The following SOX6 variants were observed in gnomAD, a reference collection of about 807,000 sequenced individuals.
SOX6 encodes the protein transcription factor SOX-6.
In SOX6, 11 loss-of-function variants were observed where a neutral mutation model predicts 97.8. The observed-to-expected ratio is 0.11, with a 90% CI of 0.07 to 0.19. The LOEUF (loss-of-function observed/expected upper bound fraction) is 0.19. SOX6 is among the 10% of genes least tolerant of loss of function. The pLI is 1.00. For synonymous variants in SOX6, 360 were observed against 371.4 expected (o/e 0.97, Z 0.35); for missense variants, 810 against 1,039.5 (o/e 0.78, Z 3.04).
chr11:16,116,440 TATC>T (rs962059984), intron 6 of SOX6, among the ~76,000 whole-genome samples: 51 of 152,102 alleles, frequency 3.4e-4, no homozygotes, highest in African/African-American at 1.2e-3. Context: ...ATACTTTTAA[TATC>T]ATATTACATT....
chr11:16,702,625 T>C (rs1848103422), intron 3 of SOX6, among the ~76,000 whole-genome samples: 1 of 152,154 alleles, frequency 6.6e-6, no homozygotes, highest in Admixed American at 6.6e-5. Context: ...CCAAGGACAC[T>C]GGCTAGCTCT....
intron 3 of SOX6, among the ~76,000 whole-genome samples, chr11:16,627,516 A>C (rs1848639004): frequency 6.6e-6 from 1 of 152,182 alleles, no homozygotes; most frequent in Non-Finnish European, 1.5e-5. Context: ...ATGATATCTC[A>C]TTGTGGTTTT....
At chr11:16,597,245 T>C (rs1374637941) in intron 4 of SOX6, among the ~76,000 whole-genome samples, 2 of 152,032 alleles carry the variant, frequency 1.3e-5, no homozygotes, top group Non-Finnish European at 2.9e-5. Context: ...ACTGATCATA[T>C]AACTATTGTC....
At chr11:16,243,956 T>G (rs565054553) in intron 3 of SOX6, among the ~76,000 whole-genome samples, 21 of 152,124 alleles carry the variant, frequency 1.4e-4, no homozygotes, top group African/African-American at 4.8e-4. Context: ...TCAGTTTAGA[T>G]GTATTAGAAA....
chr11:16,080,665 T>C (rs942683612), intron 9 of SOX6, among the ~76,000 whole-genome samples: 1 of 152,198 alleles, frequency 6.6e-6, no homozygotes, highest in Admixed American at 6.5e-5. Context: ...GAAGATATGC[T>C]GTCTTTCAGG....
chr11:16,513,694 A>G (rs1860916423), intron 4 of SOX6, among the ~76,000 whole-genome samples: 1 of 152,158 alleles, frequency 6.6e-6, no homozygotes, highest in South Asian at 2.1e-4. Flanking sequence ...TCATCTCCGC[A>G]CAGAGTAATG....
intron 3 of SOX6, among the ~76,000 whole-genome samples, chr11:16,628,306 A>C (rs1565197524): frequency 6.6e-6 from 1 of 152,160 alleles, no homozygotes. Context: ...TGAACTTTAA[A>C]ATAGTCTTTT....
intron 2 of SOX6, among the ~76,000 whole-genome samples, chr11:16,335,635 C>T (rs1438764448): frequency 2.6e-5 from 4 of 152,152 alleles, no homozygotes; most frequent in African/African-American, 9.7e-5. Flanking sequence ...GATTAGAAAT[C>T]TTCTCAAAGT....
chr11:16,000,655 T>C (rs1161768642), intron 13 of SOX6, among the ~76,000 whole-genome samples: 1 of 152,162 alleles, frequency 6.6e-6, no homozygotes, highest in African/African-American at 2.4e-5. Flanking sequence ...TTACTTCAAC[T>C]GTTGAAGCTA....
intron 4 of SOX6, among the ~76,000 whole-genome samples, chr11:16,208,959 T>C (rs1188352537): frequency 6.6e-6 from 1 of 152,138 alleles, no homozygotes; most frequent in Non-Finnish European, 1.5e-5. Flanking sequence ...TCCACAAATA[T>C]CTCAATAAGC....
At chr11:16,738,225 T>C (rs369052529) in intron 1 of SOX6, among the ~76,000 whole-genome samples, 5 of 151,676 alleles carry the variant, frequency 3.3e-5, no homozygotes, top group East Asian at 3.9e-4. Flanking sequence ...AGGGTGGAAA[T>C]GGTAGAAGCC....
intron 4 of SOX6, among the ~76,000 whole-genome samples, chr11:16,550,638 T>A (rs1239301186): frequency 6.6e-6 from 1 of 152,088 alleles, no homozygotes; most frequent in Non-Finnish European, 1.5e-5. Flanking sequence ...ATTAACTGCC[T>A]AAAGCAAAAA....
At chr11:16,354,573 CTGA>C (rs372288009) in intron 1 of SOX6, among the ~76,000 whole-genome samples, 1 of 151,992 alleles carries the variant, frequency 6.6e-6, no homozygotes, top group African/African-American at 2.4e-5. Context: ...GCATCTGCTG[CTGA>C]TAACTGTATT....
rs1242706637 is a variant in SOX6 at position 16,560,413 on chromosome 11, A to ATATACGTACATATGTT, written n.609+51652_609+51667dup. 7.4e-3 allele frequency among the ~76,000 whole-genome samples: 1,022 copies of ATATACGTACATATGTT among 138,558 alleles called. 23 individuals are homozygous for ATATACGTACATATGTT. The highest frequency in any genetic ancestry group is 0.031 in the East Asian group (143 of 4,612). The allele number at this position is 138,558 out of a possible 152,430, so 90.9% of individuals were successfully genotyped here. ...CATATAAATATGTAAATATATACAT[A>ATATACGTACATATGTT]TATACGTACATATGTTTATACGTAC... On this transcript the variant is annotated intron_variant and non_coding_transcript_variant, in intron 4 of 5. Coordinates refer to the SOX6 transcript ENST00000524520.
chr11:16,005,378 T>C (rs928227149), intron 13 of SOX6, among the ~76,000 whole-genome samples: 6 of 151,500 alleles, frequency 4.0e-5, no homozygotes, highest in African/African-American at 1.5e-4. Flanking sequence ...AATCAGACCA[T>C]ACTGCTCATA....
intron 3 of SOX6, among the ~76,000 whole-genome samples, chr11:16,684,272 A>G (rs1325209302): frequency 6.6e-6 from 1 of 152,238 alleles, no homozygotes; most frequent in East Asian, 1.9e-4. Flanking sequence ...CTATAAAGAC[A>G]CATGCACAAG....
intron 4 of SOX6, among the ~76,000 whole-genome samples, chr11:16,216,232 G>A (rs1852368659): frequency 6.6e-6 from 1 of 152,106 alleles, no homozygotes; most frequent in African/African-American, 2.4e-5. Context: ...TCACTTCTTG[G>A]TAGGACTTTA....
intron 12 of SOX6, among the ~76,000 whole-genome samples, chr11:16,026,363 C>T (rs1855216182): frequency 6.6e-6 from 1 of 152,136 alleles, no homozygotes; most frequent in South Asian, 2.1e-4. Context: ...CTGTTGGCTA[C>T]TTCTGAAGTT....
chr11:16,534,393 C>T (rs1379486309), intron 4 of SOX6, among the ~76,000 whole-genome samples: 3 of 151,792 alleles, frequency 2.0e-5, no homozygotes, highest in Admixed American at 6.6e-5. Context: ...TTTTTTCCAG[C>T]GAAGTTGGAC....
Sources: gnomAD v4.1 joint callset for allele counts (sites outside exome capture counted in the v4.1 genomes callset) on GRCh38, gnomAD v4.1.1 for gene constraint, MANE v1.5 for transcripts, NCBI Gene and HGNC (gene_info 2026-07-23, HGNC 2026-07-21) for gene names.